The following BUB1 variants were observed in gnomAD, a reference collection of about 807,000 sequenced individuals.
The protein encoded by BUB1 is BUB1 mitotic checkpoint serine/threonine kinase.
BUB1 carries 84 observed loss-of-function variants against 135.2 expected under a neutral mutation model. That is an observed-to-expected ratio of 0.62 (90% CI 0.52 to 0.74). BUB1 has a LOEUF of 0.74. Ranked by LOEUF, BUB1 falls within the 30% of genes least tolerant of loss-of-function variation. BUB1 has a pLI of 0.00. For missense variants in BUB1, 1,162 were observed against 1,288.3 expected (o/e 0.90, Z 1.50); for synonymous variants, 403 against 434.4 (o/e 0.93, Z 0.90).
At chr2:110,639,699 T>G in intron 24 of BUB1, 43 bp downstream of exon 24, 2 of 1,442,984 alleles carry the variant, frequency 1.4e-6, no homozygotes, top group Non-Finnish European at 1.9e-6. Context: ...ACATTCTACT[T>G]TAGTTATTCT....
At chr2:110,677,255 T>C (rs541301737) in intron 1 of BUB1, among the ~76,000 whole-genome samples, 1 of 152,302 alleles carries the variant, frequency 6.6e-6, no homozygotes, top group African/African-American at 2.4e-5. Context: ...TTAGAGCAAA[T>C]GGATTTTTGT....
intron 13 of BUB1, among the ~76,000 whole-genome samples, chr2:110,657,938 G>A (rs1485486247): frequency 2.0e-5 from 3 of 152,170 alleles, no homozygotes; most frequent in Non-Finnish European, 2.9e-5. Context: ...AACGCTCTCA[G>A]GGTTTCGTTT....
At chr2:110,673,194 G>A (rs949810437) in intron 3 of BUB1, among the ~76,000 whole-genome samples, 1 of 152,236 alleles carries the variant, frequency 6.6e-6, no homozygotes, top group Non-Finnish European at 1.5e-5. Context: ...GTCACACCTG[G>A]AAAGGGCAAG....
intron 23 of BUB1, among the ~76,000 whole-genome samples, chr2:110,640,812 G>T (rs1225599970): frequency 6.6e-6 from 1 of 152,056 alleles, no homozygotes; most frequent in Non-Finnish European, 1.5e-5. Flanking sequence ...GAATATATCT[G>T]CCCCCCTTTC....
Position 110,661,797 on chromosome 2 carries a change from T to C in BUB1, c.1002A>G (p.Glu334=). 6 of 1,614,206 alleles carry C rather than the reference T, an allele frequency of 3.7e-6. No individual in the cohort carries two copies. Among genetic ancestry groups the C allele is most frequent in the Non-Finnish European group, 5.1e-6 (6 of 1,180,028 alleles). The change falls in exon 10 of 25, where the codon GAA becomes GAG. Residue 334 remains glutamate (E), a synonymous_variant. Transcript: ENST00000302759. ...TTACTGGAAGACATGGCGCTCTCAG[T>C]TCCTGCTGGGAGCCTACACTTGGCC... ...RMGPSVGSQQ[E]LRAPCLPVTY...
At chr2:110,662,399 C>T (rs1323237502) in intron 9 of BUB1, among the ~76,000 whole-genome samples, 1 of 152,208 alleles carries the variant, frequency 6.6e-6, no homozygotes, top group Non-Finnish European at 1.5e-5. Flanking sequence ...AAAATCTTTG[C>T]TTTGCTACTC....
At position 110,638,172 on chromosome 2, in the gene BUB1, A is replaced by C; in HGVS notation, c.3063-13T>G. 1 of 1,569,622 alleles carries C rather than the reference A, an allele frequency of 6.4e-7. No homozygotes were observed. Among genetic ancestry groups the C allele is most frequent in the South Asian group, 1.2e-5 (1 of 84,032 alleles). On this transcript the variant is annotated splice_polypyrimidine_tract_variant and intron_variant, in intron 24 of 24. Transcript: ENST00000302759. The stretch of plus-strand genomic sequence containing the variant: ...CAAATGAGGAAGCCTGAAAAAGACA[A>C]AGCATAAATAATGGCTAAAATGTAG...
intron 19 of BUB1, among the ~76,000 whole-genome samples, chr2:110,643,009 A>T (rs765875953): frequency 2.0e-5 from 3 of 152,164 alleles, no homozygotes; most frequent in African/African-American, 4.8e-5. Context: ...GTAGATTTTT[A>T]AATTAAATTA....
chr2:110,661,366 T>G, intron 10 of BUB1: 2 of 583,768 alleles, frequency 3.4e-6, no homozygotes, highest in Non-Finnish European at 5.6e-6. Flanking sequence ...TTCACGAAAG[T>G]ATAAAATAAA....
chr2:110,667,389 C>G (rs929468199), intron 8 of BUB1, 132 bp downstream of exon 8: 1 of 995,154 alleles, frequency 1.0e-6, no homozygotes, highest in Admixed American at 3.2e-5. Context: ...TTCTGGGCTT[C>G]TGATAGGATG....
chr2:110,675,769 A>G (rs1353341436), intron 1 of BUB1, among the ~76,000 whole-genome samples: 2 of 152,154 alleles, frequency 1.3e-5, no homozygotes, highest in Non-Finnish European at 2.9e-5. Context: ...CTCCTGCCTC[A>G]GCCTCCTGAG....
chr2:110,641,785 G>A lies in BUB1; in HGVS notation c.2482C>T (p.Pro828Ser). ...FVLKVQKPAN[P>S]WEFYIGTQLM... ...TGGGTCCCAATGTAGAATTCCCAGG[G>A]GTTGGCAGGCTTTTGGACCTGCAAA... The change falls in exon 21 of 25, where the codon CCC becomes TCC. Residue 828 changes from proline (P) to serine (S), a missense_variant. Transcript: ENST00000302759. 1 of 1,605,856 alleles carries A rather than the reference G, an allele frequency of 6.2e-7. No individual in the cohort carries two copies. The highest frequency in any genetic ancestry group is 8.5e-7 in the Non-Finnish European group (1 of 1,179,730).
intron 19 of BUB1, among the ~76,000 whole-genome samples, chr2:110,646,094 G>A (rs1689638808): frequency 6.6e-6 from 1 of 150,926 alleles, no homozygotes; most frequent in Non-Finnish European, 1.5e-5. Flanking sequence ...CACTTTGGGA[G>A]GCCAAGACAG....
intron 1 of BUB1, chr2:110,676,653 T>C (rs1690596420): frequency 6.6e-6 from 1 of 152,210 alleles, no homozygotes; most frequent in Admixed American, 6.5e-5. Flanking sequence ...AAGAACTTTA[T>C]GTATTGGTAG....
chr2:110,637,668 C>G lies in BUB1; in HGVS notation c.*296G>C, dbSNP rs894749258. ...AATTTGGAAAATAGCTGTCTTGGCC[C>G]TTTTTTGGCTTAAACAGGTCAGTGT... On this transcript the variant is annotated 3_prime_UTR_variant, in exon 25 of 25. Transcript: ENST00000302759. The G allele has an allele frequency of 2.5e-5, 5 of 201,198 alleles. No homozygotes were observed. The highest frequency in any genetic ancestry group is 4.9e-5 in the Non-Finnish European group (5 of 101,694). 12.5% of individuals were successfully genotyped at this position (201,198 alleles called of 1,614,324 possible).
At chr2:110,663,885 C>T (rs1471283359) in intron 9 of BUB1, among the ~76,000 whole-genome samples, 1 of 151,762 alleles carries the variant, frequency 6.6e-6, no homozygotes, top group East Asian at 1.9e-4. Flanking sequence ...AAAAATTAGC[C>T]AGGCATGGTG....
chr2:110,641,524 T>C (rs1268242070), intron 21 of BUB1, 60 bp from the exon 22 acceptor site: 6 of 1,560,922 alleles, frequency 3.8e-6, no homozygotes, highest in Non-Finnish European at 5.2e-6. Context: ...AAATTTCAAA[T>C]TGAGAGCTTT....
intron 9 of BUB1, among the ~76,000 whole-genome samples, chr2:110,662,722 AG>A (rs1297846060): frequency 1.3e-5 from 2 of 152,178 alleles, no homozygotes; most frequent in Admixed American, 1.3e-4. Flanking sequence ...GGATCACTTG[AG>A]CCTGGGAGGA....
rs372788700 is a variant in BUB1, at chr2:110,637,978, G to A, written c.3244C>T (p.Arg1082Cys). Residue 1082 changes from arginine to cysteine, a missense_variant, in exon 25 of 25, where the codon CGT (arginine) becomes TGT (cysteine). Transcript: ENST00000302759. The part of the protein sequence containing the change: ...RLIVLLLECK[R>C]SRK ...ATATCCAAATTTTATTTTCGTGAAC[G>A]CTTACATTCTAAGAGCAGTACAATT... The A allele has an allele frequency of 5.1e-5, 77 of 1,496,566 alleles. 1 individual carries two copies. Among genetic ancestry groups the A allele is most frequent in the South Asian group, 4.4e-4 (32 of 72,244 alleles). 92.7% of individuals were successfully genotyped at this position (1,496,566 alleles called of 1,614,324 possible).
Sources: allele counts gnomAD v4.1 joint callset (sites outside exome capture counted in the v4.1 genomes callset), GRCh38; gene constraint gnomAD v4.1.1; transcripts MANE v1.5; gene names NCBI Gene and HGNC (gene_info 2026-07-23, HGNC 2026-07-21).